The following MYO16 variants were observed in gnomAD, a reference collection of about 807,000 sequenced individuals.
MYO16 encodes the protein myosin XVI, also known as unconventional myosin-XVI.
In MYO16, 94 loss-of-function variants were observed where a neutral mutation model predicts 205.3. That is an observed-to-expected ratio of 0.46 (90% CI 0.39 to 0.54). The LOEUF (loss-of-function observed/expected upper bound fraction) is 0.54. Ranked by LOEUF, MYO16 falls within the 20% of genes least tolerant of loss-of-function variation. The pLI, the probability that MYO16 is intolerant of heterozygous loss-of-function variation, is 0.00. For missense variants in MYO16, 2,315 were observed against 2,387.5 expected (o/e 0.97, Z 0.63); for synonymous variants, 988 against 954.0 (o/e 1.04, Z -0.66).
intron 16 of MYO16, among the ~76,000 whole-genome samples, chr13:108,917,826 T>C (rs965814174): frequency 6.6e-6 from 1 of 152,260 alleles, no homozygotes; most frequent in Non-Finnish European, 1.5e-5. Flanking sequence ...TTGTTTTGGC[T>C]GCTGTGTTGG....
chr13:108,727,224 C>T (rs965618871), intron 3 of MYO16, among the ~76,000 whole-genome samples: 2 of 151,944 alleles, frequency 1.3e-5, no homozygotes, highest in African/African-American at 4.8e-5. Context: ...TGATTTTCTT[C>T]TTTCTGTCTG....
At chr13:109,037,013 G>C (rs867510880) in intron 23 of MYO16, among the ~76,000 whole-genome samples, 26 of 152,172 alleles carry the variant, frequency 1.7e-4, no homozygotes, top group African/African-American at 5.8e-4. Flanking sequence ...GCACCAACCT[G>C]CTCTCCCCAG....
intron 27 of MYO16, among the ~76,000 whole-genome samples, chr13:109,080,917 G>A (rs1888262114): frequency 6.6e-6 from 1 of 152,022 alleles, no homozygotes; most frequent in South Asian, 2.1e-4. Flanking sequence ...AAATGCCTCT[G>A]GCCTTTATTA....
chr13:109,103,181 C>T (rs959619715), intron 28 of MYO16, among the ~76,000 whole-genome samples: 1 of 152,120 alleles, frequency 6.6e-6, no homozygotes, highest in East Asian at 1.9e-4. Flanking sequence ...AACACTCATT[C>T]CTAACCTGGA....
intron 2 of MYO16, among the ~76,000 whole-genome samples, chr13:108,702,018 G>GAA (rs147813068): frequency 2.0e-5 from 3 of 148,662 alleles, no homozygotes; most frequent in Non-Finnish European, 4.5e-5. Flanking sequence ...AGGTAGAGAA[G>GAA]AAAAAAAAAA....
chr13:108,538,714 G>A, the MYO16 span, among the ~76,000 whole-genome samples: 2 of 152,150 alleles, frequency 1.3e-5, no homozygotes, highest in Admixed American at 1.3e-4. Flanking sequence ...TTAGACAACA[G>A]ATGCTCTTTT....
chr13:108,843,569 A>C (rs943746440), intron 9 of MYO16, among the ~76,000 whole-genome samples: 1 of 152,206 alleles, frequency 6.6e-6, no homozygotes, highest in Non-Finnish European at 1.5e-5. Context: ...GGTAGACTAC[A>C]TGAAATAATT....
chr13:109,079,502 A>C (rs1459024458), intron 27 of MYO16, among the ~76,000 whole-genome samples: 1 of 152,128 alleles, frequency 6.6e-6, no homozygotes, highest in Non-Finnish European at 1.5e-5. Flanking sequence ...TCCTAAGCGA[A>C]TTCATGCAGG....
chr13:109,167,496 G>A (rs1030761897), intron 33 of MYO16, among the ~76,000 whole-genome samples: 1 of 152,292 alleles, frequency 6.6e-6, no homozygotes, highest in African/African-American at 2.4e-5. Context: ...AATGGCAGGA[G>A]ATGAAGTTCA....
Position 109,055,274 on chromosome 13 carries a change from C to G in MYO16, c.3130-116C>G, listed in dbSNP as rs911455003. 20 of 872,014 alleles carry G rather than the reference C, an allele frequency of 2.3e-5. No individual in the cohort carries two copies. Among genetic ancestry groups the G allele is most frequent in the African/African-American group, 5.3e-5 (3 of 56,524 alleles). 54.0% of individuals were successfully genotyped at this position (872,014 alleles called of 1,614,324 possible). On this transcript the variant is annotated intron_variant, in intron 26 of 34. Coordinates refer to ENST00000457511, the MANE Select transcript of MYO16 (RefSeq NM_001198950.3). The surrounding 1 kb of genome is among the most constrained non-coding windows in gnomAD (Gnocchi z 5.0). Reference sequence around the variant, plus strand: ...ACACACACACACACACACACACACACAGAGTAAATGCATAATGAGATTTAA... The same window carrying G: ...ACACACACACACACACACACACACAGAGAGTAAATGCATAATGAGATTTAA...
chr13:108,980,016 C>T (rs1884399012), intron 20 of MYO16, among the ~76,000 whole-genome samples: 3 of 151,658 alleles, frequency 2.0e-5, no homozygotes, highest in South Asian at 4.2e-4. Flanking sequence ...GCTTATTGAC[C>T]CAATAAAGAA....
the MYO16 span, among the ~76,000 whole-genome samples, chr13:108,519,643 A>ACC: frequency 6.7e-6 from 1 of 148,898 alleles, no homozygotes; most frequent in Non-Finnish European, 1.5e-5. Flanking sequence ...ACACACACAC[A>ACC]CACACCCACA....
At chr13:108,757,467 A>G (rs900355900) in intron 4 of MYO16, among the ~76,000 whole-genome samples, 1 of 151,630 alleles carries the variant, frequency 6.6e-6, no homozygotes, top group Non-Finnish European at 1.5e-5. Flanking sequence ...TTTATGACCA[A>G]GCTAGTTTTT....
chr13:109,168,926 T>C (rs1316528509), intron 33 of MYO16, among the ~76,000 whole-genome samples: 1 of 152,168 alleles, frequency 6.6e-6, no homozygotes, highest in East Asian at 1.9e-4. Context: ...CTGTATGGCA[T>C]CGTGGCCATG....
intron 33 of MYO16, among the ~76,000 whole-genome samples, chr13:109,168,393 G>C (rs2139886572): frequency 6.6e-6 from 1 of 152,162 alleles, no homozygotes; most frequent in African/African-American, 2.4e-5. Context: ...ATATTAAAAA[G>C]CAGCAAAAAC....
intron 1 of MYO16, among the ~76,000 whole-genome samples, chr13:108,650,128 C>CA (rs1300478308): frequency 6.6e-6 from 1 of 151,384 alleles, no homozygotes; most frequent in Non-Finnish European, 1.5e-5. Context: ...TATTTTATAT[C>CA]AAAATAATAT....
At chr13:109,157,627 G>A (rs1878134738) in intron 32 of MYO16, among the ~76,000 whole-genome samples, 1 of 152,176 alleles carries the variant, frequency 6.6e-6, no homozygotes, top group South Asian at 2.1e-4. Flanking sequence ...ATGCCTTGAA[G>A]GCACCTTGAA....
Position 109,207,163 on chromosome 13 carries a change from A to G in MYO16, c.*327A>G, listed in dbSNP as rs1880638177. On this transcript the variant is annotated 3_prime_UTR_variant, in exon 35 of 35. Transcript: ENST00000457511. ...GAGCGAGAGAGTAGCGGAGGAAAGG[A>G]GCAATCCATGCACACTCTGTACAGT... is the stretch of plus-strand genomic sequence containing the variant. 1.9e-5 allele frequency: 6 copies of G among 312,192 alleles called. No individual in the cohort carries two copies. Among genetic ancestry groups the G allele is most frequent in the Non-Finnish European group, 3.6e-5 (6 of 164,622 alleles). 19.3% of individuals were successfully genotyped at this position (312,192 alleles called of 1,614,324 possible).
At chr13:108,811,506 G>A (rs1887289806) in intron 7 of MYO16, among the ~76,000 whole-genome samples, 1 of 150,544 alleles carries the variant, frequency 6.6e-6, no homozygotes, top group Non-Finnish European at 1.5e-5. Flanking sequence ...GTATACCCAG[G>A]GGCTGTCTCT....
Sources: allele counts gnomAD v4.1 joint callset (sites outside exome capture counted in the v4.1 genomes callset), GRCh38; gene constraint gnomAD v4.1.1; non-coding constraint Gnocchi (gnomAD v3.1); transcripts MANE v1.5; gene names NCBI Gene and HGNC (gene_info 2026-07-23, HGNC 2026-07-21).